DYSF: variants seen among roughly 807,000 people sequenced by gnomAD.
DYSF encodes dysferlin.
In DYSF, 212 loss-of-function variants were observed where a neutral mutation model predicts 274.9. The observed-to-expected ratio is 0.77, with a 90% CI of 0.69 to 0.86. DYSF has a LOEUF of 0.86. Among genes scored for constraint, DYSF ranks in the 40% least tolerant of loss-of-function variants. The probability of loss-of-function intolerance (pLI) is 0.00; values close to 1 mark genes in which losing one functional copy is unlikely to be tolerated. For missense variants in DYSF, 2,666 were observed against 2,783.2 expected (o/e 0.96, Z 0.95); for synonymous variants, 1,091 against 1,078.7 (o/e 1.01, Z -0.22).
intron 24 of DYSF, among the ~76,000 whole-genome samples, chr2:71,567,074 A>G (rs750736635): frequency 3.9e-4 from 60 of 152,240 alleles, no homozygotes; most frequent in Non-Finnish European, 7.2e-4. Context: ...TCTAGGGGAC[A>G]ATGTGAATTT....
rs372228018 is a variant in DYSF at position 71,664,449 on chromosome 2, G to C, written c.5174+11G>C. 6.2e-7 allele frequency: 1 copy of C among 1,613,864 alleles called. No individual in the cohort carries two copies. The highest frequency in any genetic ancestry group is 8.5e-7 in the Non-Finnish European group (1 of 1,179,960). On this transcript the variant is annotated intron_variant, in intron 46 of 55. Coordinates refer to ENST00000410020, the MANE Select transcript of DYSF (RefSeq NM_001130987.2). ...ACAGACCTACTGTGTGTACGTGGAT[G>C]GGGGCTGGCTGCCTGCTTCTCTGAC... is the stretch of plus-strand genomic sequence containing the variant.
chr2:71,611,820 G>A (rs2093769082), intron 38 of DYSF, among the ~76,000 whole-genome samples, 194 bp downstream of exon 38: 3 of 152,162 alleles, frequency 2.0e-5, no homozygotes, highest in Admixed American at 1.3e-4. Flanking sequence ...TAGGACAAAC[G>A]GGGCCAACCT....
rs555262949 is a variant in DYSF at position 71,510,900 on chromosome 2, C to T, written c.346-907C>T. Among the ~76,000 whole-genome samples the T allele has an allele frequency of 7.2e-5, 11 of 152,374 alleles. No individual in the cohort carries two copies. The South Asian group carries it at 8.3e-4, about 11-fold the overall frequency. ...TGGAGAGAACTGGAATGTGGAGTCA[C>T]GGAATTATGGACAATTGGTTTTCTT... On this transcript the variant is annotated intron_variant, in intron 4 of 55. Coordinates refer to ENST00000410020, the MANE Select transcript of DYSF (RefSeq NM_001130987.2).
chr2:71,618,622 G>GGTGTAT (rs2094006572), intron 40 of DYSF, among the ~76,000 whole-genome samples: 1 of 78,922 alleles, frequency 1.3e-5, no homozygotes, highest in Non-Finnish European at 2.9e-5. Context: ...TGGTAGAGGT[G>GGTGTAT]GTGTGTGTGT....
chr2:71,611,456 T>C lies in DYSF; in HGVS notation c.4060-9T>C. 6.2e-7 allele frequency: 1 copy of C among 1,614,090 alleles called. No individual in the cohort carries two copies. The highest frequency in any genetic ancestry group is 8.5e-7 in the Non-Finnish European group (1 of 1,180,012). On this transcript the variant is annotated splice_polypyrimidine_tract_variant and intron_variant, in intron 37 of 55. Transcript: ENST00000410020. ...CTTCTGAGCCACTCTCCTCATTCTGTGTGCTTAGATCCTGGCATGGGGCCT... is the reference window on the plus strand; with the variant it reads ...CTTCTGAGCCACTCTCCTCATTCTGCGTGCTTAGATCCTGGCATGGGGCCT...
At chr2:71,471,798 C>G (rs1431130800) in intron 1 of DYSF, among the ~76,000 whole-genome samples, 1 of 152,144 alleles carries the variant, frequency 6.6e-6, no homozygotes, top group African/African-American at 2.4e-5. Flanking sequence ...AACCCTGTCT[C>G]TACTGAAAAA....
At chr2:71,664,579 G>A in intron 46 of DYSF, 141 bp downstream of exon 46, 1 of 988,056 alleles carries the variant, frequency 1.0e-6, no homozygotes, top group Non-Finnish European at 1.6e-6. Context: ...TGAGTCCAAT[G>A]GGAGTCCTAT....
At chr2:71,667,019 G>A (rs1307885508) in intron 47 of DYSF, among the ~76,000 whole-genome samples, 2 of 152,324 alleles carry the variant, frequency 1.3e-5, no homozygotes, top group Non-Finnish European at 2.9e-5. Flanking sequence ...TAGGAGTAAA[G>A]GTTGCTGAGG....
At position 71,515,737 on chromosome 2, in the gene DYSF, C is replaced by A. The variant is rs758224802; in HGVS notation, c.874C>A (p.Pro292Thr). 1 of 1,614,142 alleles carries A rather than the reference C, an allele frequency of 6.2e-7. No homozygotes were observed. The highest frequency in any genetic ancestry group is 8.5e-7 in the Non-Finnish European group (1 of 1,180,026). The part of the protein sequence containing the change: ...KRTRIHKGNS[P>T]LFNETLFFNL... ...GACGCGGATCCACAAGGGAAACAGC[C>A]CACTCTTCAATGAGGTGGGAGACAT... Residue 292 changes from proline to threonine, a missense_variant, in exon 8 of 56, where the codon CCA becomes ACA. Pro to Thr is a conservative substitution (Grantham distance 38). This residue lies in a region of DYSF where 794 missense variants were observed against 777.1 expected (regional missense o/e 1.02). Coordinates refer to ENST00000410020, the MANE Select transcript of DYSF (RefSeq NM_001130987.2).
chr2:71,523,340 G>A (rs201575460), intron 12 of DYSF, among the ~76,000 whole-genome samples: 3 of 152,122 alleles, frequency 2.0e-5, no homozygotes, highest in Admixed American at 2.0e-4. Context: ...TAGTCACATG[G>A]CCACATCTAA....
At chr2:71,548,104 T>C (rs1223455123) in intron 17 of DYSF, among the ~76,000 whole-genome samples, 1 of 152,178 alleles carries the variant, frequency 6.6e-6, no homozygotes. Flanking sequence ...GCTTTGGAGA[T>C]GAAGGTGACC....
chr2:71,573,512 A>C (rs1292157773), intron 29 of DYSF, among the ~76,000 whole-genome samples: 1 of 152,222 alleles, frequency 6.6e-6, no homozygotes, highest in East Asian at 1.9e-4. Context: ...AAGGGACCCC[A>C]TGAACGAGGT....
chr2:71,670,844 A>G, intron 51 of DYSF, among the ~76,000 whole-genome samples: 1 of 152,126 alleles, frequency 6.6e-6, no homozygotes, highest in East Asian at 1.9e-4. Context: ...TCTCTGCTGT[A>G]GCTTCTGGCC....
chr2:71,609,855 G>A (rs557814733), intron 36 of DYSF, among the ~76,000 whole-genome samples: 14 of 152,352 alleles, frequency 9.2e-5, no homozygotes, highest in South Asian at 2.1e-4. Context: ...ATGGCAGAGC[G>A]TCTGTATGGA....
intron 3 of DYSF, among the ~76,000 whole-genome samples, chr2:71,482,694 T>G (rs1021062305): frequency 6.6e-6 from 1 of 152,102 alleles, no homozygotes; most frequent in Non-Finnish European, 1.5e-5. Flanking sequence ...GGTCTTGGAC[T>G]GGGGCTGTGG....
At chr2:71,586,480 T>C (rs1254636015) in intron 30 of DYSF, among the ~76,000 whole-genome samples, 1 of 151,544 alleles carries the variant, frequency 6.6e-6, no homozygotes, top group Non-Finnish European at 1.5e-5. Context: ...ACCCAGGCAG[T>C]ATGAGGGGCA....
At chr2:71,603,156 G>A (rs2093584720) in intron 36 of DYSF, among the ~76,000 whole-genome samples, 1 of 152,194 alleles carries the variant, frequency 6.6e-6, no homozygotes, top group South Asian at 2.1e-4. Context: ...CCTTTCTGGT[G>A]GAGGTGGCAT....
chr2:71,605,253 G>A (rs1472268899), intron 36 of DYSF, among the ~76,000 whole-genome samples: 6 of 152,114 alleles, frequency 3.9e-5, no homozygotes, highest in Admixed American at 6.5e-5. Flanking sequence ...CCTCTGTCTG[G>A]TTTCTTTTCC....
rs776241212 is a variant in DYSF, at chr2:71,515,695, G to T, written c.832G>T (p.Ala278Ser). ...CAAGCCTGTGGTCAAGGTTACCGCT[G>T]CAGGGCAGACCAAGCGGACGCGGAT... is the stretch of plus-strand genomic sequence containing the variant. ...NIKPVVKVTA[A>S]GQTKRTRIHK... The change falls in exon 8 of 56, where the codon GCA becomes TCA. Residue 278 changes from alanine (A) to serine (S), a missense_variant. This residue lies in a region of DYSF where 794 missense variants were observed against 777.1 expected (regional missense o/e 1.02). Transcript: ENST00000410020. The T allele has an allele frequency of 1.2e-5, 20 of 1,614,016 alleles. No homozygotes were observed. Among genetic ancestry groups the T allele is most frequent in the Non-Finnish European group, 1.4e-5 (16 of 1,180,036 alleles).
Sources: allele counts gnomAD v4.1 joint callset (sites outside exome capture counted in the v4.1 genomes callset), GRCh38; gene constraint gnomAD v4.1.1; regional missense constraint gnomAD v4.1.1; transcripts MANE v1.5; gene names NCBI Gene and HGNC (gene_info 2026-07-23, HGNC 2026-07-21).